The following PLXNA4 variants were observed in gnomAD, a reference collection of about 807,000 sequenced individuals.
PLXNA4 encodes plexin-A4.
A neutral mutation model predicts 191.8 loss-of-function variants in PLXNA4; 44 were observed. The observed-to-expected ratio is 0.23, with a 90% CI of 0.18 to 0.29. PLXNA4 has a LOEUF of 0.29. Among genes scored for constraint, PLXNA4 ranks in the 10% least tolerant of loss-of-function variants. The pLI, the probability that PLXNA4 is intolerant of heterozygous loss-of-function variation, is 1.00. For missense variants in PLXNA4, 1,800 were observed against 2,488.8 expected (o/e 0.72, Z 5.89); for synonymous variants, 1,082 against 1,009.5 (o/e 1.07, Z -1.36).
chr7:132,262,665 A>G (rs977125177), intron 4 of PLXNA4, among the ~76,000 whole-genome samples: 1 of 152,132 alleles, frequency 6.6e-6, no homozygotes, highest in East Asian at 1.9e-4. Flanking sequence ...ATCAATTAAT[A>G]TTGTTGTTAG....
chr7:132,130,317 A>G lies in PLXNA4; in HGVS notation c.*162T>C. 2.1e-6 allele frequency: 2 copies of G among 973,122 alleles called. No homozygotes were observed. Among genetic ancestry groups the G allele is most frequent in the Non-Finnish European group, 3.0e-6 (2 of 664,254 alleles). The allele number at this position is 973,122 out of a possible 1,614,324, so 60.3% of individuals were successfully genotyped here. A position where few individuals can be genotyped will look rare whatever the true frequency, so the allele number is the denominator to read the frequency against. The stretch of plus-strand genomic sequence containing the variant: ...CAACTGGAAGAGAAGAGATCCAGGA[A>G]GGAGGGAGAAACGGAAAGAGGCAGA... On this transcript the variant is annotated 3_prime_UTR_variant, in exon 32 of 32. Coordinates refer to ENST00000321063, the MANE Select transcript of PLXNA4 (RefSeq NM_020911.2).
intron 9 of PLXNA4, among the ~76,000 whole-genome samples, chr7:132,217,231 G>C (rs954210105): frequency 1.1e-4 from 17 of 152,210 alleles, no homozygotes; most frequent in Admixed American, 9.8e-4. Context: ...AAGCGAGAAT[G>C]ATGACTTTCT....
intron 3 of PLXNA4, among the ~76,000 whole-genome samples, chr7:132,387,621 G>A (rs1258987157): frequency 6.6e-6 from 1 of 152,230 alleles, no homozygotes; most frequent in African/African-American, 2.4e-5. Context: ...GGAAGCCCAG[G>A]AGAGTGAGCA....
intron 3 of PLXNA4, among the ~76,000 whole-genome samples, chr7:132,344,319 A>G (rs1803155628): frequency 6.6e-6 from 1 of 152,098 alleles, no homozygotes; most frequent in African/African-American, 2.4e-5. Flanking sequence ...ATCATTTTCT[A>G]CATGTGCTAC....
chr7:132,199,258 C>T lies in PLXNA4; in HGVS notation c.2587-622G>A, dbSNP rs575041027. Among the ~76,000 whole-genome samples the T allele has an allele frequency of 4.3e-4, 66 of 152,326 alleles. 1 individual carries two copies. The highest frequency in any genetic ancestry group is 3.3e-3 in the Admixed American group (50 of 15,296). On this transcript the variant is annotated intron_variant, in intron 12 of 31. Coordinates refer to ENST00000321063, the MANE Select transcript of PLXNA4 (RefSeq NM_020911.2). The stretch of plus-strand genomic sequence containing the variant: ...TCCTTGTGGGCTTTTCAGTAACCAT[C>T]TTTATGTCTTGCGTTGTCATGTGAT...
intron 2 of PLXNA4, among the ~76,000 whole-genome samples, chr7:132,498,171 TTATAG>T (rs1798104348): frequency 1.3e-5 from 2 of 152,216 alleles, no homozygotes; most frequent in African/African-American, 4.8e-5. Context: ...ATAATTTTTA[TTATAG>T]TATACTGTCA....
At chr7:132,471,736 G>T (rs1377274146) in intron 3 of PLXNA4, among the ~76,000 whole-genome samples, 1 of 152,126 alleles carries the variant, frequency 6.6e-6, no homozygotes, top group Admixed American at 6.5e-5. Flanking sequence ...AGGAGGAGGG[G>T]CGCTCTTTCA....
intron 1 of PLXNA4, among the ~76,000 whole-genome samples, chr7:132,556,284 C>T (rs1800797474): frequency 6.6e-6 from 1 of 152,182 alleles, no homozygotes; most frequent in Non-Finnish European, 1.5e-5. Context: ...TCTGGCTGTC[C>T]ACCTGCAGGG....
intron 8 of PLXNA4, among the ~76,000 whole-genome samples, chr7:132,225,616 G>GCCCC (rs35219127): frequency 0.014 from 2,101 of 149,534 alleles, 65 homozygotes; most frequent in African/African-American, 0.049. Context: ...GCCAGAGTCC[G>GCCCC]CCCCCCCCCA....
chr7:132,509,070 T>C (rs908680792), intron 1 of PLXNA4, among the ~76,000 whole-genome samples: 1 of 151,560 alleles, frequency 6.6e-6, no homozygotes, highest in South Asian at 2.1e-4. Context: ...ATCTACTGAG[T>C]GCCTGAATTT....
At chr7:132,338,297 C>T (rs77057099) in intron 3 of PLXNA4, among the ~76,000 whole-genome samples, 1 of 152,230 alleles carries the variant, frequency 6.6e-6, no homozygotes, top group African/African-American at 2.4e-5. Context: ...TCCTCTCGGC[C>T]TCTAAATGCG....
At chr7:132,248,036 T>G (rs566942896) in intron 4 of PLXNA4, among the ~76,000 whole-genome samples, 37 of 152,184 alleles carry the variant, frequency 2.4e-4, no homozygotes, top group Non-Finnish European at 4.4e-4. Context: ...GGTGTGTACT[T>G]CCCCACTTCT....
intron 3 of PLXNA4, among the ~76,000 whole-genome samples, chr7:132,399,541 G>A (rs1793901296): frequency 6.6e-6 from 1 of 152,198 alleles, no homozygotes; most frequent in East Asian, 1.9e-4. Context: ...GAGGCTTCAT[G>A]GGGGAGGCGG....
At chr7:132,563,269 ATCCTCC>A (rs1183633033) in intron 1 of PLXNA4, among the ~76,000 whole-genome samples, 2 of 19,636 alleles carry the variant, frequency 1.0e-4, no homozygotes, top group Non-Finnish European at 2.0e-4. Flanking sequence ...TCTCCTCTTC[ATCCTCC>A]TCCTCCTTCT....
intron 2 of PLXNA4, among the ~76,000 whole-genome samples, chr7:132,640,122 G>C (rs1803709664): frequency 6.6e-6 from 1 of 152,238 alleles, no homozygotes; most frequent in South Asian, 2.1e-4. Context: ...TCCCAAAGCA[G>C]AAATGGTGCT....
intron 1 of PLXNA4, among the ~76,000 whole-genome samples, chr7:132,562,299 CT>C (rs1182648661): frequency 7.7e-6 from 1 of 130,440 alleles, no homozygotes. Flanking sequence ...CCTTCTCCTC[CT>C]TCTCCTCTTC....
intron 2 of PLXNA4, among the ~76,000 whole-genome samples, chr7:132,593,509 C>A (rs1388840969): frequency 6.6e-6 from 1 of 152,166 alleles, no homozygotes; most frequent in Admixed American, 6.5e-5. Context: ...ATCAGGGACT[C>A]GCAAAAGTGA....
intron 1 of PLXNA4, among the ~76,000 whole-genome samples, chr7:132,563,511 C>T (rs1298483885): frequency 1.3e-4 from 6 of 46,238 alleles, no homozygotes; most frequent in South Asian, 1.7e-3. Context: ...CCTCCTCCTC[C>T]TCCTGCTGCT....
At chr7:132,228,884 C>T (rs566779588) in intron 5 of PLXNA4, among the ~76,000 whole-genome samples, 3,652 of 152,216 alleles carry the variant, frequency 0.024, 148 homozygotes, top group African/African-American at 0.082. Flanking sequence ...TGCTGGACTT[C>T]CTTTTCCTCA....
Sources: gnomAD v4.1 joint callset for allele counts (sites outside exome capture counted in the v4.1 genomes callset) on GRCh38, gnomAD v4.1.1 for gene constraint, MANE v1.5 for transcripts, NCBI Gene and HGNC (gene_info 2026-07-23, HGNC 2026-07-21) for gene names.